Variants in SLC25A21 observed in about 807,000 individuals in gnomAD.
SLC25A21 encodes mitochondrial 2-oxodicarboxylate carrier.
SLC25A21 carries 47 observed loss-of-function variants against 43.8 expected under a neutral mutation model. The ratio of observed to expected loss-of-function variants is 1.07; its 90% CI spans 0.85 to 1.37. The LOEUF (loss-of-function observed/expected upper bound fraction) is 1.37. SLC25A21 is among the 40% of genes most tolerant of loss of function. The pLI is 0.00. For missense variants in SLC25A21, 352 were observed against 350.2 expected, an observed-to-expected ratio of 1.00 and a Z score of -0.04; for synonymous variants, 131 against 121.3, an observed-to-expected ratio of 1.08 and a Z score of -0.52.
At chr14:37,171,110 A>AGGGGGGGGGG (rs1377957332) in intron 1 of SLC25A21, among the ~76,000 whole-genome samples, 1 of 11,034 alleles carries the variant, frequency 9.1e-5, no homozygotes, top group Non-Finnish European at 1.6e-4. Context: ...GAAAAGAAAA[A>AGGGGGGGGGG]GGGGGGAGGG....
rs1337861208 is a variant in SLC25A21, at chr14:36,958,682, C to T, written c.71-83678G>A. ...AGATGTACACATAAGCACACGTGCA[C>T]ACACACACACACACACACACACACA... is the stretch of plus-strand genomic sequence containing the variant. On this transcript the variant is annotated intron_variant, in intron 1 of 9. Transcript: ENST00000331299. Among the ~76,000 whole-genome samples, 2 of 31,024 alleles carry T rather than the reference C, an allele frequency of 6.4e-5. 1 individual carries two copies. The highest frequency in any genetic ancestry group is 9.3e-4 in the South Asian group (2 of 2,154). The allele number at this position is 31,024 out of a possible 152,430, so 20.4% of individuals were successfully genotyped here.
intron 1 of SLC25A21, among the ~76,000 whole-genome samples, chr14:37,007,401 G>T (rs151174793): frequency 6.6e-6 from 1 of 152,098 alleles, no homozygotes; most frequent in African/African-American, 2.4e-5. Flanking sequence ...TCAGGAGTTT[G>T]AGACCAGCCT....
At chr14:37,136,416 G>T (rs1963480285) in intron 1 of SLC25A21, among the ~76,000 whole-genome samples, 1 of 152,052 alleles carries the variant, frequency 6.6e-6, no homozygotes, top group Non-Finnish European at 1.5e-5. Flanking sequence ...ATGAATCCAG[G>T]AAACATTTTT....
intron 2 of SLC25A21, among the ~76,000 whole-genome samples, chr14:36,855,130 AC>A (rs1889860370): frequency 6.6e-6 from 1 of 152,048 alleles, no homozygotes; most frequent in Admixed American, 6.6e-5. Flanking sequence ...TGGACAAGCC[AC>A]CCCTTGGCAT....
At chr14:36,878,320 C>T (rs1409643674) in intron 1 of SLC25A21, among the ~76,000 whole-genome samples, 1 of 152,102 alleles carries the variant, frequency 6.6e-6, no homozygotes, top group Admixed American at 6.6e-5. Context: ...TATTTATTCA[C>T]TGTTATTTTT....
chr14:36,693,620 T>C (rs1332978862), intron 7 of SLC25A21, among the ~76,000 whole-genome samples: 1 of 152,070 alleles, frequency 6.6e-6, no homozygotes, highest in Non-Finnish European at 1.5e-5. Flanking sequence ...ATATCACATA[T>C]CTAGTTTTTT....
chr14:37,133,012 G>A (rs545235525), intron 1 of SLC25A21, among the ~76,000 whole-genome samples: 1 of 152,208 alleles, frequency 6.6e-6, no homozygotes, highest in African/African-American at 2.4e-5. Context: ...TTACAGGCAT[G>A]ACCCAGATAG....
chr14:37,124,831 G>A lies in SLC25A21; in HGVS notation c.70+47450C>T, dbSNP rs995276635. Among the ~76,000 whole-genome samples, 10 of 152,196 alleles carry A rather than the reference G, an allele frequency of 6.6e-5. No individual in the cohort carries two copies. The East Asian group carries it at 1.4e-3, about 21-fold the overall frequency. ...ATCTGGTTATTTAAAAGTGTGTGGCGCCGCCTACCTCTCTCTCTTGCTCCT... is the reference window on the plus strand; with the variant it reads ...ATCTGGTTATTTAAAAGTGTGTGGCACCGCCTACCTCTCTCTCTTGCTCCT... On this transcript the variant is annotated intron_variant, in intron 1 of 9. Coordinates refer to ENST00000331299, the MANE Select transcript of SLC25A21 (RefSeq NM_030631.4).
intron 2 of SLC25A21, among the ~76,000 whole-genome samples, chr14:36,821,276 G>A (rs892828683): frequency 6.6e-6 from 1 of 152,034 alleles, no homozygotes; most frequent in African/African-American, 2.4e-5. Flanking sequence ...ATAACCACTG[G>A]GGACTGTGCC....
chr14:37,049,517 A>G (rs1265782114), intron 1 of SLC25A21, among the ~76,000 whole-genome samples: 1 of 152,146 alleles, frequency 6.6e-6, no homozygotes, highest in Non-Finnish European at 1.5e-5. Context: ...GGCTGCAGTG[A>G]GCTGTGATCA....
intron 3 of SLC25A21, among the ~76,000 whole-genome samples, chr14:36,746,707 C>G (rs572367095): frequency 6.6e-6 from 1 of 152,240 alleles, no homozygotes; most frequent in Admixed American, 6.5e-5. Context: ...CTTTTCTTAT[C>G]TCCTGTTTCT....
At chr14:37,108,525 G>T (rs566984312) in intron 1 of SLC25A21, among the ~76,000 whole-genome samples, 50 of 152,194 alleles carry the variant, frequency 3.3e-4, no homozygotes, top group Non-Finnish European at 6.8e-4. Context: ...AGAATACACT[G>T]TTTTGTTATT....
At chr14:36,958,587 A>C (rs1019113516) in intron 1 of SLC25A21, among the ~76,000 whole-genome samples, 1 of 152,080 alleles carries the variant, frequency 6.6e-6, no homozygotes, top group African/African-American at 2.4e-5. Flanking sequence ...CCAGGTGTTG[A>C]GGCCTTACCC....
intron 1 of SLC25A21, among the ~76,000 whole-genome samples, chr14:37,024,660 G>C (rs921009927): frequency 6.6e-6 from 1 of 151,798 alleles, no homozygotes; most frequent in Non-Finnish European, 1.5e-5. Flanking sequence ...CAGATCAACA[G>C]CTTTATTATT....
intron 1 of SLC25A21, among the ~76,000 whole-genome samples, chr14:37,008,033 G>C (rs950842757): frequency 1.1e-4 from 16 of 151,812 alleles, no homozygotes; most frequent in Admixed American, 9.2e-4. Context: ...CACTACTACG[G>C]CTGGCTAATT....
intron 1 of SLC25A21, among the ~76,000 whole-genome samples, chr14:37,153,167 T>C (rs998456206): frequency 2.6e-5 from 4 of 152,112 alleles, no homozygotes; most frequent in South Asian, 2.1e-4. Context: ...AGGAAGTTGA[T>C]GGGAGACGAA....
intron 1 of SLC25A21, among the ~76,000 whole-genome samples, chr14:37,036,624 C>A (rs969019277): frequency 6.6e-6 from 1 of 152,150 alleles, no homozygotes; most frequent in South Asian, 2.1e-4. Flanking sequence ...AAATGCCTAA[C>A]CCTTTATCAT....
intron 1 of SLC25A21, among the ~76,000 whole-genome samples, chr14:36,924,452 C>T (rs1419995446): frequency 1.3e-5 from 2 of 151,960 alleles, no homozygotes; most frequent in East Asian, 3.9e-4. Context: ...TGCATGTTCT[C>T]ACTCATAGGT....
intron 3 of SLC25A21, among the ~76,000 whole-genome samples, chr14:36,747,469 T>A (rs1885544368): frequency 6.6e-6 from 1 of 152,176 alleles, no homozygotes; most frequent in African/African-American, 2.4e-5. Flanking sequence ...GTTGCCTGAT[T>A]TAACAGCTTG....
Sources: gnomAD v4.1 joint callset for allele counts (sites outside exome capture counted in the v4.1 genomes callset) on GRCh38, gnomAD v4.1.1 for gene constraint, MANE v1.5 for transcripts, NCBI Gene and HGNC (gene_info 2026-07-23, HGNC 2026-07-21) for gene names.